FN1: variants seen among roughly 807,000 people sequenced by gnomAD.
The protein encoded by FN1 is fibronectin.
Under a neutral mutation model 297.3 loss-of-function variants are expected in FN1, and 106 were observed. The ratio of observed to expected loss-of-function variants is 0.36; its 90% CI spans 0.30 to 0.42. FN1 has a LOEUF of 0.42. Ranked by LOEUF, FN1 falls within the 10% of genes least tolerant of loss-of-function variation. The probability of loss-of-function intolerance (pLI) is 1.00; values close to 1 mark genes in which losing one functional copy is unlikely to be tolerated. For missense variants in FN1, 2,690 were observed against 3,124.9 expected, an observed-to-expected ratio of 0.86 and a Z score of 3.32; for synonymous variants, 1,149 against 1,152.6, an observed-to-expected ratio of 1.00 and a Z score of 0.06.
chr2:215,361,881 A>C, intron 45 of FN1, 88 bp downstream of exon 45: 1 of 1,524,236 alleles, frequency 6.6e-7, no homozygotes, highest in Non-Finnish European at 8.9e-7. Flanking sequence ...TTAATTAATT[A>C]AAACACTTGG....
intron 42 of FN1, among the ~76,000 whole-genome samples, chr2:215,366,355 C>A (rs2054603023): frequency 6.6e-6 from 1 of 152,084 alleles, no homozygotes; most frequent in African/African-American, 2.4e-5. Flanking sequence ...TTTGCAGAAA[C>A]CCTGGATACA....
At chr2:215,361,910 A>G (rs1002133370) in intron 45 of FN1, 59 bp downstream of exon 45, 1 of 1,600,942 alleles carries the variant, frequency 6.2e-7, no homozygotes, top group African/African-American at 1.3e-5. Flanking sequence ...GAAGAAAGAT[A>G]CCTGTAGAAA....
At chr2:215,396,555 T>C (rs1202527853) in intron 23 of FN1, among the ~76,000 whole-genome samples, 2 of 152,202 alleles carry the variant, frequency 1.3e-5, no homozygotes, top group East Asian at 1.9e-4. Flanking sequence ...ATTCCAAATA[T>C]GTGACATTGG....
intron 9 of FN1, 141 bp from the exon 10 acceptor site, chr2:215,422,384 AGTGCT>A: frequency 1.2e-6 from 1 of 851,288 alleles, no homozygotes; most frequent in Non-Finnish European, 2.0e-6. Context: ...AAGACATCTA[AGTGCT>A]GTCAGGTGAA....
chr2:215,409,395 A>G (rs1382837128), intron 15 of FN1, among the ~76,000 whole-genome samples, 168 bp downstream of exon 15: 1 of 152,154 alleles, frequency 6.6e-6, no homozygotes, highest in Non-Finnish European at 1.5e-5. Flanking sequence ...GCCACTTCTT[A>G]GAAAGAGTCA....
At chr2:215,366,862 A>G (rs1357441561) in intron 42 of FN1, among the ~76,000 whole-genome samples, 3 of 152,222 alleles carry the variant, frequency 2.0e-5, no homozygotes, top group Non-Finnish European at 4.4e-5. Flanking sequence ...AAAACCATCT[A>G]CTTGAAGTCA....
intron 26 of FN1, 147 bp downstream of exon 26, chr2:215,391,485 A>T: frequency 1.4e-6 from 1 of 693,986 alleles, no homozygotes. Context: ...ATCTTTCAAA[A>T]TTAATGGAGC....
intron 42 of FN1, among the ~76,000 whole-genome samples, chr2:215,366,428 T>C (rs890510411): frequency 6.6e-5 from 10 of 152,130 alleles, no homozygotes; most frequent in Non-Finnish European, 1.5e-4. Flanking sequence ...ACCTGTTTCA[T>C]GTACATGGGA....
At chr2:215,402,672 TTTA>T (rs1369182143) in intron 20 of FN1, among the ~76,000 whole-genome samples, 1 of 152,240 alleles carries the variant, frequency 6.6e-6, no homozygotes, top group African/African-American at 2.4e-5. Flanking sequence ...TTTAGCTGTT[TTTA>T]TTATTATTCC....
chr2:215,374,383 C>T (rs193285584), intron 38 of FN1, among the ~76,000 whole-genome samples: 154 of 152,312 alleles, frequency 1.0e-3, no homozygotes, highest in African/African-American at 3.5e-3. Flanking sequence ...GCATCCAAAT[C>T]TCATCTGGAA....
chr2:215,421,164 G>A, intron 10 of FN1: 3 of 323,630 alleles, frequency 9.3e-6, no homozygotes, highest in South Asian at 5.4e-5. Flanking sequence ...TGCTTGTTAG[G>A]ATAAATAAGA....
intron 10 of FN1, 95 bp downstream of exon 10, chr2:215,421,996 C>G (rs979286615): frequency 8.5e-7 from 1 of 1,170,386 alleles, no homozygotes; most frequent in Admixed American, 1.7e-5. Flanking sequence ...ATATTTCTTC[C>G]CCTGCTTTTG....
At chr2:215,424,953 A>C (rs1034586694) in intron 7 of FN1, 141 bp downstream of exon 7, 1 of 795,524 alleles carries the variant, frequency 1.3e-6, no homozygotes, top group African/African-American at 1.7e-5. Flanking sequence ...ACTATTTCAA[A>C]TGCCAACCCT....
intron 21 of FN1, 147 bp downstream of exon 21, chr2:215,399,110 C>T: frequency 2.8e-6 from 2 of 702,566 alleles, no homozygotes; most frequent in Non-Finnish European, 5.2e-6. Context: ...GACTGTTAGG[C>T]CCTGACAATG....
At position 215,394,731 on chromosome 2, in the gene FN1, A is replaced by T; in HGVS notation, c.3605-12T>A. 6.2e-7 allele frequency: 1 copy of T among 1,603,614 alleles called. No individual in the cohort carries two copies. The highest frequency in any genetic ancestry group is 8.5e-7 in the Non-Finnish European group (1 of 1,170,646). ...ATAACCAGTAATGTCTGGAGAAAAAAGAAAAGGGAAGTTATTGCACAGAGG... is the reference window on the plus strand; with the variant it reads ...ATAACCAGTAATGTCTGGAGAAAAATGAAAAGGGAAGTTATTGCACAGAGG... On this transcript the variant is annotated splice_polypyrimidine_tract_variant and intron_variant, in intron 23 of 45. Transcript: ENST00000354785.
chr2:215,431,213 T>C (rs2066454084), intron 4 of FN1, among the ~76,000 whole-genome samples: 1 of 152,244 alleles, frequency 6.6e-6, no homozygotes, highest in Non-Finnish European at 1.5e-5. Context: ...TGACCAATTA[T>C]GAATTTTGAG....
intron 10 of FN1, 58 bp downstream of exon 10, chr2:215,422,033 A>T (rs1056146151): frequency 9.1e-6 from 14 of 1,546,004 alleles, no homozygotes; most frequent in Middle Eastern, 1.7e-4. Flanking sequence ...CATAAAAAAA[A>T]GTGTCCCTTT....
At chr2:215,419,449 G>A (rs1575736223) in intron 11 of FN1, 64 bp from the exon 12 acceptor site, 2 of 1,344,614 alleles carry the variant, frequency 1.5e-6, no homozygotes, top group East Asian at 4.6e-5. Flanking sequence ...TTTAATTTCA[G>A]GGTGCTAGAG....
chr2:215,394,715 A>G lies in FN1; in HGVS notation c.3609T>C (p.Ile1203=). ...VSWERSTTPD[I]TGYRITTTPT... ...GGGTTGTGGTAATTCTATAACCAGT[A>G]ATGTCTGGAGAAAAAAGAAAAGGGA... Residue 1203 remains isoleucine, a synonymous_variant, in exon 24 of 46, where the codon ATT becomes ATC. Transcript: ENST00000354785. 1 of 1,613,400 alleles carries G rather than the reference A, an allele frequency of 6.2e-7. No homozygotes were observed. Among genetic ancestry groups the G allele is most frequent in the Non-Finnish European group, 8.5e-7 (1 of 1,179,388 alleles).
Sources: gnomAD v4.1 joint callset for allele counts (sites outside exome capture counted in the v4.1 genomes callset) on GRCh38, gnomAD v4.1.1 for gene constraint, MANE v1.5 for transcripts, NCBI Gene and HGNC (gene_info 2026-07-23, HGNC 2026-07-21) for gene names.